Variants in GNB1 observed in about 807,000 individuals in gnomAD.
GNB1 encodes the protein guanine nucleotide-binding protein G(I)/G(S)/G(T) subunit beta-1.
In GNB1, 2 loss-of-function variants were observed where a neutral mutation model predicts 42.9. The ratio of observed to expected loss-of-function variants is 0.05; its 90% CI spans 0.02 to 0.15. The LOEUF (loss-of-function observed/expected upper bound fraction) is 0.15, where lower values mean the gene tolerates loss of function less well. GNB1 is among the 10% of genes least tolerant of loss of function. The probability of loss-of-function intolerance (pLI) is 1.00; values close to 1 mark genes in which losing one functional copy is unlikely to be tolerated. For missense variants in GNB1, 193 were observed against 462.2 expected (o/e 0.42, Z 5.34); for synonymous variants, 183 against 174.7 (o/e 1.05, Z -0.38).
intron 2 of GNB1, among the ~76,000 whole-genome samples, chr1:1,828,833 G>A (rs114521235): frequency 0.013 from 1,949 of 152,098 alleles, 42 homozygotes; most frequent in African/African-American, 0.045. Flanking sequence ...CTTGAATCCA[G>A]CAGTTTGCGA....
chr1:1,800,640 A>G (rs1382657939), intron 7 of GNB1, among the ~76,000 whole-genome samples: 1 of 152,182 alleles, frequency 6.6e-6, no homozygotes, highest in Non-Finnish European at 1.5e-5. Context: ...AAACTTCCCA[A>G]ATTTGGTGAA....
intron 2 of GNB1, among the ~76,000 whole-genome samples, chr1:1,836,753 G>C (rs1278243749): frequency 6.6e-6 from 1 of 151,928 alleles, no homozygotes; most frequent in Non-Finnish European, 1.5e-5. Context: ...GTTTCCCCAT[G>C]TTGGCCAGGT....
chr1:1,842,434 C>CA (rs758786067), intron 1 of GNB1, among the ~76,000 whole-genome samples: 2,088 of 91,178 alleles, frequency 0.023, 44 homozygotes, highest in African/African-American at 0.064. Context: ...GACTCCATCT[C>CA]AAAAAAAAAA....
intron 1 of GNB1, among the ~76,000 whole-genome samples, chr1:1,889,582 C>T (rs1650352693): frequency 6.8e-6 from 1 of 148,026 alleles, no homozygotes; most frequent in African/African-American, 2.5e-5. Flanking sequence ...GAGGCTGAGG[C>T]GGGAGGATCG....
intron 1 of GNB1, among the ~76,000 whole-genome samples, chr1:1,873,623 C>T (rs1649368070): frequency 6.6e-6 from 1 of 152,204 alleles, no homozygotes; most frequent in African/African-American, 2.4e-5. Context: ...TTAAACTTGG[C>T]GCCGAGACTG....
At chr1:1,851,899 C>T (rs950008727) in intron 1 of GNB1, among the ~76,000 whole-genome samples, 1 of 150,902 alleles carries the variant, frequency 6.6e-6, no homozygotes, top group Non-Finnish European at 1.5e-5. Flanking sequence ...CGAAATCAGC[C>T]GGGCATGGTA....
chr1:1,887,055 G>T (rs1570767257), intron 1 of GNB1, among the ~76,000 whole-genome samples: 1 of 152,134 alleles, frequency 6.6e-6, no homozygotes, highest in African/African-American at 2.4e-5. Flanking sequence ...TCCATGTCTT[G>T]TGAGACTTAC....
At chr1:1,817,137 T>C (rs1413251929) in intron 4 of GNB1, among the ~76,000 whole-genome samples, 2 of 152,164 alleles carry the variant, frequency 1.3e-5, no homozygotes, top group Non-Finnish European at 2.9e-5. Context: ...TGGCCACTAG[T>C]CCACTCTGTC....
intron 1 of GNB1, among the ~76,000 whole-genome samples, chr1:1,840,487 C>G (rs371029728): frequency 1.3e-5 from 2 of 152,224 alleles, no homozygotes; most frequent in African/African-American, 4.8e-5. Context: ...GAGATCGTGC[C>G]GCTGCACTCC....
intron 2 of GNB1, among the ~76,000 whole-genome samples, chr1:1,834,598 A>G (rs969666245): frequency 2.0e-5 from 3 of 152,138 alleles, no homozygotes; most frequent in African/African-American, 7.2e-5. Context: ...AGACGGGTCT[A>G]ACAGGGAAAG....
At chr1:1,864,519 C>T (rs1281118268) in intron 1 of GNB1, among the ~76,000 whole-genome samples, 1 of 151,936 alleles carries the variant, frequency 6.6e-6, no homozygotes, top group East Asian at 1.9e-4. Flanking sequence ...CCCATCCTGC[C>T]GATTACCACC....
chr1:1,862,722 G>A (rs1365592018), intron 1 of GNB1, among the ~76,000 whole-genome samples: 1 of 152,042 alleles, frequency 6.6e-6, no homozygotes, highest in Non-Finnish European at 1.5e-5. Flanking sequence ...ACCTCCCAAA[G>A]TGTTGGGACT....
intron 3 of GNB1, among the ~76,000 whole-genome samples, chr1:1,821,644 G>A (rs150053486): frequency 1.3e-5 from 2 of 152,292 alleles, no homozygotes; most frequent in East Asian, 1.9e-4. Context: ...AACACAGCGC[G>A]GTTCCTGGTA....
chr1:1,799,291 T>G (rs1226106424), intron 7 of GNB1, among the ~76,000 whole-genome samples: 1 of 152,116 alleles, frequency 6.6e-6, no homozygotes, highest in Admixed American at 6.6e-5. Flanking sequence ...AGAAGTAAAA[T>G]TTCATGAAAT....
chr1:1,832,417 T>G lies in GNB1; in HGVS notation c.-47+6773A>C, dbSNP rs548747970. ...TAAGACAGGCTCTGCTAAGGCCTCA[T>G]GTCTAGTCTTCCTGATGACCCATAT... is the stretch of plus-strand genomic sequence containing the variant. On this transcript the variant is annotated intron_variant, in intron 2 of 11. Coordinates refer to ENST00000378609, the MANE Select transcript of GNB1 (RefSeq NM_002074.5). The G allele has an allele frequency of 2.0e-5, 3 of 152,294 alleles. No individual in the cohort carries two copies. In the East Asian group the frequency reaches 5.8e-4, roughly 29 times the overall value. The allele number at this position is 152,294 out of a possible 1,614,324, so 9.4% of individuals were successfully genotyped here. A position where few individuals can be genotyped will look rare whatever the true frequency, so the allele number is the denominator to read the frequency against.
chr1:1,803,842 C>A (rs545469184), intron 7 of GNB1, among the ~76,000 whole-genome samples: 1 of 151,854 alleles, frequency 6.6e-6, no homozygotes, highest in Non-Finnish European at 1.5e-5. Context: ...ATTAGCTGGG[C>A]GTGGTGGCGG....
intron 5 of GNB1, among the ~76,000 whole-genome samples, chr1:1,812,038 G>C (rs4648725): frequency 0.83 from 126,044 of 151,732 alleles, 54,200 homozygotes; most frequent in Non-Finnish European, 0.95. Context: ...TGCAGTCCAG[G>C]CTGGGTGACA....
chr1:1,868,410 T>C (rs753346801), intron 1 of GNB1, among the ~76,000 whole-genome samples: 3 of 152,256 alleles, frequency 2.0e-5, no homozygotes, highest in Admixed American at 6.5e-5. Flanking sequence ...CTCCTGGCAA[T>C]TGACCTGCCT....
chr1:1,859,025 CTT>C (rs34852120), intron 1 of GNB1, among the ~76,000 whole-genome samples: 83 of 141,352 alleles, frequency 5.9e-4, no homozygotes, highest in Middle Eastern at 3.7e-3. Flanking sequence ...TATTTATTTT[CTT>C]TTTTTTTTTT....
Sources: allele counts gnomAD v4.1 joint callset (sites outside exome capture counted in the v4.1 genomes callset), GRCh38; gene constraint gnomAD v4.1.1; transcripts MANE v1.5; gene names NCBI Gene and HGNC (gene_info 2026-07-23, HGNC 2026-07-21).